EYA2: variants seen among roughly 807,000 people sequenced by gnomAD.
EYA2 encodes the protein EYA transcriptional coactivator and phosphatase 2.
Under a neutral mutation model 69.2 loss-of-function variants are expected in EYA2, and 31 were observed. That is an observed-to-expected ratio of 0.45 (90% CI 0.34 to 0.60). The LOEUF (loss-of-function observed/expected upper bound fraction) is 0.60. EYA2 is among the 20% of genes least tolerant of loss of function. EYA2 has a pLI of 0.02. For missense variants in EYA2, 622 were observed against 701.2 expected (o/e 0.89, Z 1.28); for synonymous variants, 257 against 279.4 (o/e 0.92, Z 0.80).
intron 1 of EYA2, among the ~76,000 whole-genome samples, chr20:46,968,026 C>T (rs73908738): frequency 0.025 from 3,754 of 152,242 alleles, 84 homozygotes; most frequent in East Asian, 0.062. Context: ...GGGATGGCTG[C>T]TGGAGGATGC....
rs138196099 is a variant in EYA2, at chr20:47,093,404, TAGCAGCTTTCTCATC to T, written c.805-3667_805-3653del. On this transcript the variant is annotated intron_variant, in intron 8 of 15. Transcript: ENST00000327619. ...ATAGGAGGTGAAATGTAGTTTTATT[TAGCAGCTTTCTCATC>T]AGCAGCTTTCTCACATTAGCTGTCT... is the stretch of plus-strand genomic sequence containing the variant. Among the ~76,000 whole-genome samples, 920 of 152,346 alleles carry T rather than the reference TAGCAGCTTTCTCATC, an allele frequency of 6.0e-3. 10 individuals are homozygous for T. The highest frequency in any genetic ancestry group is 0.021 in the African/African-American group (865 of 41,584).
rs183114992 is a variant in EYA2 at position 46,910,946 on chromosome 20, A to G, written c.-11+15959A>G. 8.5e-4 allele frequency among the ~76,000 whole-genome samples: 130 copies of G among 152,282 alleles called. 1 individual carries two copies. Among genetic ancestry groups the G allele is most frequent in the African/African-American group, 3.1e-3 (128 of 41,554 alleles). On this transcript the variant is annotated intron_variant, in intron 1 of 15. Transcript: ENST00000327619. The stretch of plus-strand genomic sequence containing the variant: ...GGGCTGGGAACTGTCTGTCCCTTTT[A>G]GGTGGATAAGTTAGTTCACCCAAGT...
intron 1 of EYA2, among the ~76,000 whole-genome samples, chr20:46,977,689 T>G (rs1008819258): frequency 6.6e-6 from 1 of 152,244 alleles, no homozygotes; most frequent in Non-Finnish European, 1.5e-5. Context: ...GCTGTGTTCC[T>G]GATCCATTTA....
At chr20:47,122,565 T>C (rs2033082584) in intron 9 of EYA2, among the ~76,000 whole-genome samples, 2 of 152,114 alleles carry the variant, frequency 1.3e-5, no homozygotes, top group Non-Finnish European at 1.5e-5. Context: ...CCCAAAGTGC[T>C]GGGATTACAG....
chr20:46,959,803 A>C (rs1979362177), intron 1 of EYA2, among the ~76,000 whole-genome samples: 1 of 152,116 alleles, frequency 6.6e-6, no homozygotes, highest in African/African-American at 2.4e-5. Flanking sequence ...CTTTTCTCTG[A>C]AATTCTCCAA....
At position 47,006,326 on chromosome 20, in the gene EYA2, T is replaced by G. The variant is rs531549867; in HGVS notation, c.298+1242T>G. On this transcript the variant is annotated intron_variant, in intron 4 of 15. Transcript: ENST00000327619. ...TGATCTGAAGGTGAGGCAGGGGTGG[T>G]TCACAAAGGAGAAGGAGGCAGGAAG... Among the ~76,000 whole-genome samples the G allele has an allele frequency of 5.3e-5, 8 of 152,178 alleles. No homozygotes were observed. In the East Asian group the frequency reaches 1.4e-3, roughly 26 times the overall value.
intron 5 of EYA2, among the ~76,000 whole-genome samples, chr20:47,048,509 A>C (rs550687673): frequency 1.3e-3 from 198 of 152,338 alleles, no homozygotes; most frequent in Non-Finnish European, 2.4e-3. Context: ...AGACCAAGGC[A>C]GGTGGATCAC....
intron 15 of EYA2, among the ~76,000 whole-genome samples, chr20:47,185,582 G>A (rs1361730014): frequency 6.6e-6 from 1 of 152,134 alleles, no homozygotes; most frequent in Admixed American, 6.5e-5. Context: ...GATTAGAGGT[G>A]TGAGCCACCA....
chr20:46,980,201 A>G (rs943930424), intron 1 of EYA2, among the ~76,000 whole-genome samples: 6 of 152,174 alleles, frequency 3.9e-5, no homozygotes, highest in African/African-American at 1.4e-4. Context: ...CTGTCTCCTT[A>G]TCTCTACCTA....
At chr20:47,015,266 A>C (rs1983339004) in intron 4 of EYA2, among the ~76,000 whole-genome samples, 1 of 152,224 alleles carries the variant, frequency 6.6e-6, no homozygotes, top group Admixed American at 6.5e-5. Context: ...TTTCAGTAAA[A>C]ATTAAGTGAA....
chr20:47,151,112 T>C (rs546249197), intron 10 of EYA2, among the ~76,000 whole-genome samples: 29 of 152,154 alleles, frequency 1.9e-4, no homozygotes, highest in African/African-American at 6.0e-4. Context: ...TGTTTGCGCC[T>C]GTAATCCCAG....
chr20:47,069,358 A>T (rs2031227992), intron 5 of EYA2, among the ~76,000 whole-genome samples: 2 of 152,130 alleles, frequency 1.3e-5, no homozygotes, highest in Non-Finnish European at 2.9e-5. Flanking sequence ...AACTGGGCAT[A>T]GTGGTGGGCA....
intron 7 of EYA2, among the ~76,000 whole-genome samples, chr20:47,074,805 C>A (rs535246677): frequency 6.6e-6 from 1 of 152,244 alleles, no homozygotes; most frequent in South Asian, 2.1e-4. Context: ...AGTTGATGAA[C>A]CCTGGTAGTA....
At chr20:46,971,171 A>G (rs1980123257) in intron 1 of EYA2, among the ~76,000 whole-genome samples, 1 of 152,236 alleles carries the variant, frequency 6.6e-6, no homozygotes, top group South Asian at 2.1e-4. Flanking sequence ...GAGTAGATAG[A>G]AAAATACAGA....
At chr20:46,910,076 T>A (rs1428980295) in intron 1 of EYA2, among the ~76,000 whole-genome samples, 1 of 152,228 alleles carries the variant, frequency 6.6e-6, no homozygotes, top group African/African-American at 2.4e-5. Context: ...GTCATCTGTA[T>A]TTGTCTGTTC....
At chr20:47,141,520 C>T (rs550128968) in intron 9 of EYA2, among the ~76,000 whole-genome samples, 1 of 152,186 alleles carries the variant, frequency 6.6e-6, no homozygotes, top group African/African-American at 2.4e-5. Context: ...CCATGTGTAT[C>T]GGTTAGGATA....
In EYA2 at chr20:47,139,576, T is replaced by G. The variant is rs373526502; in HGVS notation, c.889-3483T>G. ...TCCCGAATAGCTGGGATTACAGGCATGCGCCACCACACCCGGCTAATTTTT... is the reference window on the plus strand; with the variant it reads ...TCCCGAATAGCTGGGATTACAGGCAGGCGCCACCACACCCGGCTAATTTTT... On this transcript the variant is annotated intron_variant, in intron 9 of 15. Coordinates refer to ENST00000327619, the MANE Select transcript of EYA2 (RefSeq NM_005244.5). Among the ~76,000 whole-genome samples, 27 of 152,286 alleles carry G rather than the reference T, an allele frequency of 1.8e-4. No homozygotes were observed. The East Asian group carries it at 2.7e-3, about 15-fold the overall frequency.
intron 1 of EYA2, among the ~76,000 whole-genome samples, chr20:46,926,169 A>G (rs1985404214): frequency 6.6e-6 from 1 of 152,260 alleles, no homozygotes; most frequent in Non-Finnish European, 1.5e-5. Flanking sequence ...ATTAATTATT[A>G]GGACTAATTA....
chr20:46,943,348 A>G (rs749455888), intron 1 of EYA2, among the ~76,000 whole-genome samples: 7 of 152,206 alleles, frequency 4.6e-5, no homozygotes, highest in Non-Finnish European at 8.8e-5. Context: ...GCTTCAGCAT[A>G]GTGCCAGTAA....
Sources: allele counts gnomAD v4.1 joint callset (sites outside exome capture counted in the v4.1 genomes callset), GRCh38; gene constraint gnomAD v4.1.1; transcripts MANE v1.5; gene names NCBI Gene and HGNC (gene_info 2026-07-23, HGNC 2026-07-21).